Variants in SKIC3 observed in about 807,000 individuals in gnomAD.
The protein encoded by SKIC3 is SKI3 subunit of superkiller complex.
At chr5:95,479,119 A>G in the SKIC3 span, among the ~76,000 whole-genome samples, 1 of 152,198 alleles carries the variant, frequency 6.6e-6, no homozygotes, top group Non-Finnish European at 1.5e-5. Context: ...CTTTCAAAGA[A>G]TAAGTGAATT....
chr5:95,475,584 C>A, the SKIC3 span, among the ~76,000 whole-genome samples: 1 of 152,166 alleles, frequency 6.6e-6, no homozygotes, highest in Non-Finnish European at 1.5e-5. Context: ...TAAAACTCTT[C>A]TGTTTATAAA....
chr5:95,472,760 C>T, the SKIC3 span, among the ~76,000 whole-genome samples: 1 of 152,132 alleles, frequency 6.6e-6, no homozygotes, highest in East Asian at 1.9e-4. Context: ...CCCTGTCCCA[C>T]TCCTTCACCC....
the SKIC3 span, chr5:95,497,398 T>C: frequency 6.2e-7 from 1 of 1,601,552 alleles, no homozygotes; most frequent in Non-Finnish European, 8.5e-7. Context: ...TTTGCTAGAA[T>C]TTGAAACGTT....
At chr5:95,484,137 T>G in the SKIC3 span, among the ~76,000 whole-genome samples, 1 of 152,264 alleles carries the variant, frequency 6.6e-6, no homozygotes, top group East Asian at 1.9e-4. Context: ...ACATTACTTA[T>G]CCTCTTTAAG....
chr5:95,529,629 T>C, the SKIC3 span, among the ~76,000 whole-genome samples: 2 of 152,144 alleles, frequency 1.3e-5, no homozygotes, highest in African/African-American at 2.4e-5. Context: ...TTCTTCCCAT[T>C]CCCTTCAACC....
chr5:95,542,098 A>G, the SKIC3 span, among the ~76,000 whole-genome samples: 1 of 152,198 alleles, frequency 6.6e-6, no homozygotes, highest in Admixed American at 6.5e-5. Context: ...GGGCACAGGT[A>G]AAGTGGATAT....
At chr5:95,511,288 T>C in the SKIC3 span, among the ~76,000 whole-genome samples, 1 of 152,152 alleles carries the variant, frequency 6.6e-6, no homozygotes, top group Non-Finnish European at 1.5e-5. Context: ...CACACACCTG[T>C]AACGCCTACC....
At chr5:95,499,885 G>A in the SKIC3 span, among the ~76,000 whole-genome samples, 1 of 151,860 alleles carries the variant, frequency 6.6e-6, no homozygotes. Flanking sequence ...TTAGCCTTAT[G>A]GAGGAAAATT....
At chr5:95,521,674 TA>T in the SKIC3 span, among the ~76,000 whole-genome samples, 2 of 151,940 alleles carry the variant, frequency 1.3e-5, no homozygotes, top group East Asian at 3.8e-4. Context: ...CTCTGAAGTT[TA>T]AAAAAAATTT....
At chr5:95,512,693 A>G in the SKIC3 span, 2 of 1,519,446 alleles carry the variant, frequency 1.3e-6, no homozygotes, top group Non-Finnish European at 1.8e-6. Flanking sequence ...AAGTAAAACA[A>G]TGCACTTCAA....
the SKIC3 span, chr5:95,478,346 T>A: frequency 6.2e-7 from 1 of 1,614,010 alleles, no homozygotes; most frequent in Non-Finnish European, 8.5e-7. Context: ...AGCTTCCCAC[T>A]CCAACTGCCC....
chr5:95,519,160 C>G, the SKIC3 span, among the ~76,000 whole-genome samples: 1 of 150,670 alleles, frequency 6.6e-6, no homozygotes, highest in African/African-American at 2.4e-5. Context: ...ACTGAATGAA[C>G]AAGCTCAAAA....
the SKIC3 span, chr5:95,516,887 G>C: frequency 6.4e-7 from 1 of 1,561,164 alleles, no homozygotes; most frequent in African/African-American, 1.4e-5. Flanking sequence ...TTTTTGAAAA[G>C]GTTTATAAAA....
the SKIC3 span, chr5:95,495,013 C>T: frequency 6.2e-7 from 1 of 1,613,534 alleles, no homozygotes; most frequent in African/African-American, 1.3e-5. Context: ...TGCTACAACA[C>T]CTCCCTAGAA....
chr5:95,474,126 G>T, the SKIC3 span, among the ~76,000 whole-genome samples: 1 of 152,196 alleles, frequency 6.6e-6, no homozygotes, highest in South Asian at 2.1e-4. Context: ...TTCTGCAAAT[G>T]ACTAGCCAGT....
chr5:95,493,163 A>C, the SKIC3 span, among the ~76,000 whole-genome samples: 1 of 152,126 alleles, frequency 6.6e-6, no homozygotes, highest in Non-Finnish European at 1.5e-5. Context: ...TGTTCATCTA[A>C]AGATCTACAA....
At chr5:95,536,936 T>G in the SKIC3 span, 131 of 1,612,048 alleles carry the variant, frequency 8.1e-5, 1 homozygote, top group Admixed American at 3.5e-4. Flanking sequence ...CTTGAAAATA[T>G]AAAAGCAAAA....
chr5:95,535,307 ATTTTTT>A, the SKIC3 span, among the ~76,000 whole-genome samples: 1 of 91,806 alleles, frequency 1.1e-5, no homozygotes, highest in Non-Finnish European at 2.1e-5. Flanking sequence ...GGTAACAGCA[ATTTTTT>A]TTTTTTTTTT....
the SKIC3 span, chr5:95,543,186 G>C: frequency 6.2e-7 from 1 of 1,613,656 alleles, no homozygotes; most frequent in Non-Finnish European, 8.5e-7. Flanking sequence ...CTACATACCT[G>C]CCAAGCTAGT....
Sources: gnomAD v4.1 joint callset for allele counts (sites outside exome capture counted in the v4.1 genomes callset) on GRCh38, gnomAD v4.1.1 for gene constraint, MANE v1.5 for transcripts, NCBI Gene and HGNC (gene_info 2026-07-23, HGNC 2026-07-21) for gene names.